Variants in PALM2AKAP2 observed in about 807,000 individuals in gnomAD.
PALM2AKAP2 encodes the protein PALM2-AKAP2 fusion protein.
PALM2AKAP2 carries 37 observed loss-of-function variants against 71.5 expected under a neutral mutation model. That is an observed-to-expected ratio of 0.52 (90% CI 0.40 to 0.68). The LOEUF (loss-of-function observed/expected upper bound fraction) is 0.68, where lower values mean the gene tolerates loss of function less well. Among genes scored for constraint, PALM2AKAP2 ranks in the 30% least tolerant of loss-of-function variants. The pLI, the probability that PALM2AKAP2 is intolerant of heterozygous loss-of-function variation, is 0.00. For synonymous variants in PALM2AKAP2, 468 were observed against 478.8 expected (o/e 0.98, Z 0.29); for missense variants, 1,224 against 1,191.8 (o/e 1.03, Z -0.40).
chr9:109,919,779 T>G (rs976841276), intron 3 of PALM2AKAP2, among the ~76,000 whole-genome samples: 1 of 149,426 alleles, frequency 6.7e-6, no homozygotes, highest in Non-Finnish European at 1.5e-5. Context: ...ATATGTAAAA[T>G]GTATACACAC....
exon 7 of PALM2AKAP2, chr9:110,015,975 T>C: frequency 1.2e-6 from 2 of 1,614,042 alleles, no homozygotes; most frequent in Non-Finnish European, 1.7e-6. Context: ...GAGAATGTGC[T>C]GCTAAAGGAA....
At chr9:109,780,039 G>A (rs974629710), upstream of PALM2AKAP2, among the ~76,000 whole-genome samples, 2 of 151,362 alleles carry the variant, frequency 1.3e-5, no homozygotes, top group African/African-American at 4.8e-5. Context: ...TGGCTCGCGC[G>A]CCCTCCGTCT....
At chr9:109,973,406 G>T (rs1267990963) in intron 6 of PALM2AKAP2, among the ~76,000 whole-genome samples, 4 of 152,200 alleles carry the variant, frequency 2.6e-5, no homozygotes, top group Non-Finnish European at 5.9e-5. Flanking sequence ...CAGGCTGCAG[G>T]ATCAGCCCCT....
upstream of PALM2AKAP2, among the ~76,000 whole-genome samples, chr9:109,775,393 T>G (rs1338664563): frequency 6.6e-6 from 1 of 152,238 alleles, no homozygotes. Context: ...CTTCTTTCTA[T>G]CTTCTTGCTC....
chr9:109,642,618 C>T (rs775529896), intron 1 of PALM2AKAP2, among the ~76,000 whole-genome samples: 2 of 151,494 alleles, frequency 1.3e-5, no homozygotes, highest in African/African-American at 4.9e-5. Context: ...AGTGCAATGG[C>T]GCTATCATGG....
At chr9:109,904,177 A>T (rs1168265104) in intron 3 of PALM2AKAP2, among the ~76,000 whole-genome samples, 1 of 152,236 alleles carries the variant, frequency 6.6e-6, no homozygotes, top group African/African-American at 2.4e-5. Context: ...ACATTAGCTC[A>T]TTTAAGCTTC....
chr9:110,086,703 T>C (rs1167873211), intron 1 of PALM2AKAP2, among the ~76,000 whole-genome samples: 1 of 152,236 alleles, frequency 6.6e-6, no homozygotes, highest in African/African-American at 2.4e-5. Context: ...CCATCAGGTT[T>C]CTGGACACAG....
At chr9:109,997,996 T>C (rs941378370) in intron 6 of PALM2AKAP2, among the ~76,000 whole-genome samples, 2 of 152,194 alleles carry the variant, frequency 1.3e-5, no homozygotes, top group African/African-American at 4.8e-5. Flanking sequence ...CAAAGTGAGA[T>C]TTTAAAAATC....
chr9:110,032,085 A>C (rs1357900932), intron 7 of PALM2AKAP2, among the ~76,000 whole-genome samples: 1 of 150,064 alleles, frequency 6.7e-6, no homozygotes, highest in Non-Finnish European at 1.5e-5. Flanking sequence ...AAAAAAGTAG[A>C]GCTTTCCTTG....
intron 2 of PALM2AKAP2, among the ~76,000 whole-genome samples, chr9:109,873,067 G>T (rs939541750): frequency 6.6e-6 from 1 of 151,864 alleles, no homozygotes; most frequent in African/African-American, 2.4e-5. Context: ...GGAAAGAGTG[G>T]GAAGGATAGG....
intron 6 of PALM2AKAP2, among the ~76,000 whole-genome samples, chr9:109,995,978 T>C (rs990783535): frequency 6.6e-6 from 1 of 152,200 alleles, no homozygotes; most frequent in Non-Finnish European, 1.5e-5. Context: ...CTCTCCACTC[T>C]GCCTTCAGCC....
chr9:109,981,434 G>A (rs1040099468), intron 6 of PALM2AKAP2, among the ~76,000 whole-genome samples: 12 of 152,196 alleles, frequency 7.9e-5, no homozygotes, highest in Non-Finnish European at 1.6e-4. Context: ...GCTTTGAATG[G>A]CAGGAGCTTG....
intron 1 of PALM2AKAP2, among the ~76,000 whole-genome samples, chr9:109,782,223 C>G (rs1201732255): frequency 6.6e-6 from 1 of 152,206 alleles, no homozygotes; most frequent in African/African-American, 2.4e-5. Context: ...CAAGAAAGAT[C>G]TAGGCAAATC....
rs926991194 is a variant in PALM2AKAP2 at position 109,698,509 on chromosome 9, C to T, written c.5+57643C>T. Reference sequence around the variant, plus strand: ...GGCCAGGCTGGTCTTGAACCCCTGACCTCAAGTGATCTGCCAGCCTCGGTC... The same window carrying T: ...GGCCAGGCTGGTCTTGAACCCCTGATCTCAAGTGATCTGCCAGCCTCGGTC... On this transcript the variant is annotated intron_variant, in intron 1 of 6. Transcript: ENST00000374531. Among the ~76,000 whole-genome samples the T allele has an allele frequency of 5.9e-5, 9 of 152,164 alleles. No homozygotes were observed. The South Asian group carries it at 6.2e-4, about 10-fold the overall frequency.
chr9:109,678,906 A>G (rs929135308), intron 1 of PALM2AKAP2, among the ~76,000 whole-genome samples: 2 of 152,208 alleles, frequency 1.3e-5, no homozygotes, highest in Admixed American at 1.3e-4. Context: ...GTGAGATACA[A>G]CGTGCAAAGG....
intron 7 of PALM2AKAP2, chr9:110,025,273 G>C (rs539509896): frequency 7.8e-6 from 9 of 1,150,668 alleles, no homozygotes. Context: ...TCGCATATAC[G>C]TGGCCAAAGG....
chr9:109,744,456 G>A (rs750605832), intron 1 of PALM2AKAP2, among the ~76,000 whole-genome samples: 19 of 152,070 alleles, frequency 1.2e-4, no homozygotes, highest in South Asian at 2.1e-4. Flanking sequence ...GCTGCATGGC[G>A]TGGGCAATTT....
chr9:109,864,350 G>A (rs770203114), intron 1 of PALM2AKAP2, among the ~76,000 whole-genome samples: 10 of 152,112 alleles, frequency 6.6e-5, no homozygotes, highest in South Asian at 2.1e-4. Context: ...CGCTCTTCTG[G>A]TCCGTGTGAC....
At chr9:109,925,552 C>G (rs1284497461) in intron 5 of PALM2AKAP2, among the ~76,000 whole-genome samples, 3 of 152,196 alleles carry the variant, frequency 2.0e-5, no homozygotes, top group African/African-American at 7.2e-5. Context: ...CTCTCTCTCT[C>G]TCTCTGATCA....
Sources: gnomAD v4.1 joint callset for allele counts (sites outside exome capture counted in the v4.1 genomes callset) on GRCh38, gnomAD v4.1.1 for gene constraint, MANE v1.5 for transcripts, NCBI Gene and HGNC (gene_info 2026-07-23, HGNC 2026-07-21) for gene names.